The following ZFAT variants were observed in gnomAD, a reference collection of about 807,000 sequenced individuals.
ZFAT encodes zinc finger and AT-hook domain containing, also known as zinc finger protein ZFAT.
Under a neutral mutation model 117.7 loss-of-function variants are expected in ZFAT, and 64 were observed. That is an observed-to-expected ratio of 0.54 (90% CI 0.44 to 0.67). The LOEUF (loss-of-function observed/expected upper bound fraction) is 0.67, where lower values mean the gene tolerates loss of function less well. Ranked by LOEUF, ZFAT falls within the 30% of genes least tolerant of loss-of-function variation. ZFAT has a pLI of 0.00. For missense variants in ZFAT, 1,433 were observed against 1,584.5 expected (o/e 0.90, Z 1.62); for synonymous variants, 679 against 615.0 (o/e 1.10, Z -1.54).
chr8:134,570,581 T>G (rs1214600543), intron 10 of ZFAT, among the ~76,000 whole-genome samples: 3 of 152,194 alleles, frequency 2.0e-5, no homozygotes, highest in African/African-American at 7.2e-5. Context: ...GAGACAAGAC[T>G]GCAATTTTCA....
chr8:134,495,829 C>T (rs531683858), intron 15 of ZFAT, among the ~76,000 whole-genome samples: 2 of 152,170 alleles, frequency 1.3e-5, no homozygotes, highest in Admixed American at 1.3e-4. Flanking sequence ...ACTCTGGAGG[C>T]TGGAGTGGGA....
chr8:134,580,839 T>A (rs1420515476), intron 10 of ZFAT, among the ~76,000 whole-genome samples: 1 of 152,166 alleles, frequency 6.6e-6, no homozygotes, highest in South Asian at 2.1e-4. Flanking sequence ...TTAAATTTCA[T>A]AAATGTTATG....
At chr8:134,662,451 C>T (rs1239835121) in intron 1 of ZFAT, among the ~76,000 whole-genome samples, 1 of 152,154 alleles carries the variant, frequency 6.6e-6, no homozygotes, top group Non-Finnish European at 1.5e-5. Context: ...AGGGCAGGCA[C>T]TGGATCCAGC....
At chr8:134,770,063 C>T in the ZFAT span, among the ~76,000 whole-genome samples, 21 of 152,342 alleles carry the variant, frequency 1.4e-4, no homozygotes, top group African/African-American at 4.6e-4. Context: ...ATGGGAGGAG[C>T]TGCCACAAAG....
intron 3 of ZFAT, among the ~76,000 whole-genome samples, chr8:134,629,007 A>T (rs1829707207): frequency 1.3e-5 from 2 of 152,228 alleles, no homozygotes; most frequent in African/African-American, 4.8e-5. Flanking sequence ...CAGAGCATGA[A>T]TTGGGGTAAA....
chr8:134,772,636 C>T, the ZFAT span, among the ~76,000 whole-genome samples: 1 of 152,208 alleles, frequency 6.6e-6, no homozygotes, highest in Non-Finnish European at 1.5e-5. Context: ...GAAGCTGCAG[C>T]AAGTGATCCA....
chr8:134,691,391 G>A (rs141022465), intron 1 of ZFAT, among the ~76,000 whole-genome samples: 7 of 152,252 alleles, frequency 4.6e-5, no homozygotes, highest in South Asian at 2.1e-4. Flanking sequence ...TGCAGCGGGC[G>A]CCTCCACGGA....
chr8:134,598,992 A>G (rs545193264), intron 7 of ZFAT: 6 of 152,298 alleles, frequency 3.9e-5, no homozygotes, highest in South Asian at 2.1e-4. Context: ...TCTCCCAAGA[A>G]CTTGTTCTCA....
At chr8:134,654,953 G>A (rs1006863320) in intron 2 of ZFAT, among the ~76,000 whole-genome samples, 11 of 152,174 alleles carry the variant, frequency 7.2e-5, no homozygotes, top group African/African-American at 2.7e-4. Flanking sequence ...CCAGAGAAAG[G>A]TCCTGCAGCC....
At chr8:134,772,040 G>A in the ZFAT span, among the ~76,000 whole-genome samples, 4 of 152,222 alleles carry the variant, frequency 2.6e-5, 1 homozygote, top group Admixed American at 2.6e-4. Flanking sequence ...CTCCCATCAG[G>A]TCCCTCCCAC....
chr8:134,681,632 G>A (rs778906193), intron 1 of ZFAT, among the ~76,000 whole-genome samples: 8 of 152,066 alleles, frequency 5.3e-5, no homozygotes, highest in Non-Finnish European at 7.4e-5. Flanking sequence ...CATCCTCCCT[G>A]CTTTGTAACT....
intron 1 of ZFAT, among the ~76,000 whole-genome samples, chr8:134,674,492 A>C (rs1298370978): frequency 2.0e-5 from 3 of 152,176 alleles, no homozygotes; most frequent in Non-Finnish European, 4.4e-5. Flanking sequence ...GGAAGTTCGA[A>C]CTGCATGGAG....
At chr8:134,488,083 AG>A (rs749864895) in intron 15 of ZFAT, among the ~76,000 whole-genome samples, 4 of 152,234 alleles carry the variant, frequency 2.6e-5, no homozygotes, top group Admixed American at 6.5e-5. Flanking sequence ...AGCCCCAAGT[AG>A]GGTAGCTCAG....
chr8:134,672,794 A>C (rs1247951587), intron 1 of ZFAT, among the ~76,000 whole-genome samples: 2 of 152,192 alleles, frequency 1.3e-5, no homozygotes, highest in Non-Finnish European at 2.9e-5. Flanking sequence ...ATCCTTCAGG[A>C]ATGGAGGGGA....
chr8:134,613,802 G>T (rs1166921951), intron 3 of ZFAT, among the ~76,000 whole-genome samples: 3 of 152,172 alleles, frequency 2.0e-5, no homozygotes, highest in Non-Finnish European at 4.4e-5. Flanking sequence ...GCTGGGTATT[G>T]CTATGTCCAC....
chr8:134,672,396 G>A (rs557642018), intron 1 of ZFAT, among the ~76,000 whole-genome samples: 12 of 152,280 alleles, frequency 7.9e-5, no homozygotes, highest in South Asian at 4.2e-4. Context: ...ATCACACACC[G>A]GGGCCTGTTG....
intron 11 of ZFAT, among the ~76,000 whole-genome samples, chr8:134,547,437 C>T (rs769859644): frequency 1.3e-5 from 2 of 152,182 alleles, no homozygotes; most frequent in Non-Finnish European, 2.9e-5. Flanking sequence ...AGTAGCATAA[C>T]CTTCTCACCA....
At chr8:134,593,984 T>C (rs1386349141) in intron 7 of ZFAT, among the ~76,000 whole-genome samples, 1 of 152,242 alleles carries the variant, frequency 6.6e-6, no homozygotes, top group East Asian at 1.9e-4. Context: ...GGAAAAGTGA[T>C]GCTGAAATTG....
chr8:134,531,151 G>C (rs945605973), intron 12 of ZFAT, among the ~76,000 whole-genome samples: 2 of 152,208 alleles, frequency 1.3e-5, no homozygotes, highest in Admixed American at 6.5e-5. Context: ...TGGAAACTTA[G>C]GGCATGAAAC....
Sources: gnomAD v4.1 joint callset for allele counts (sites outside exome capture counted in the v4.1 genomes callset) on GRCh38, gnomAD v4.1.1 for gene constraint, MANE v1.5 for transcripts, NCBI Gene and HGNC (gene_info 2026-07-23, HGNC 2026-07-21) for gene names.